The following DENND5A variants were observed in gnomAD, a reference collection of about 807,000 sequenced individuals.
DENND5A encodes the protein DENN domain containing 5A, also known as DENN domain-containing protein 5A.
A neutral mutation model predicts 140.3 loss-of-function variants in DENND5A; 64 were observed. The ratio of observed to expected loss-of-function variants is 0.46; its 90% CI spans 0.37 to 0.56. The LOEUF is 0.56. DENND5A is among the 20% of genes least tolerant of loss of function. DENND5A has a pLI of 0.00. For synonymous variants in DENND5A, 605 were observed against 607.7 expected (o/e 1.00, Z 0.07); for missense variants, 1,292 against 1,593.8 (o/e 0.81, Z 3.22).
rs148794119 is a variant in DENND5A at position 9,235,801 on chromosome 11, T to C, written c.110-28169A>G. On this transcript the variant is annotated intron_variant, in intron 1 of 22. Transcript: ENST00000328194. ...CCAGAGAGAGAAAGCAGACTACTAG[T>C]TGCCACAGGCTTGGGAGACAAGGAA... 1.1e-4 allele frequency among the ~76,000 whole-genome samples: 16 copies of C among 152,304 alleles called. No homozygotes were observed. The East Asian group carries it at 2.9e-3, about 28-fold the overall frequency.
At chr11:9,195,173 C>T (rs1046509358) in intron 4 of DENND5A, among the ~76,000 whole-genome samples, 2 of 149,594 alleles carry the variant, frequency 1.3e-5, no homozygotes, top group Non-Finnish European at 3.0e-5. Flanking sequence ...CTCCACCTCC[C>T]GGGTTTAAGC....
intron 22 of DENND5A, among the ~76,000 whole-genome samples, 177 bp from the exon 23 acceptor site, chr11:9,140,031 C>A (rs760835226): frequency 1.3e-5 from 2 of 152,058 alleles, no homozygotes; most frequent in Non-Finnish European, 2.9e-5. Flanking sequence ...AGCTCCAGGA[C>A]ACCAAACAAA....
chr11:9,177,142 T>C (rs1848569870), intron 8 of DENND5A, among the ~76,000 whole-genome samples: 2 of 151,000 alleles, frequency 1.3e-5, no homozygotes, highest in African/African-American at 4.9e-5. Context: ...CAGTCCTAGC[T>C]ACACGGGAGA....
chr11:9,259,276 AG>A (rs1852086414), intron 1 of DENND5A, among the ~76,000 whole-genome samples: 1 of 151,384 alleles, frequency 6.6e-6, no homozygotes, highest in African/African-American at 2.4e-5. Context: ...AATAAACAAC[AG>A]GCCAGGCGTG....
intron 17 of DENND5A, 147 bp downstream of exon 17, chr11:9,145,523 C>A: frequency 4.4e-6 from 4 of 911,236 alleles, no homozygotes; most frequent in Non-Finnish European, 6.8e-6. Context: ...TCTTTGGATC[C>A]AGCCTCAGAT....
At chr11:9,202,452 T>C (rs1396206644) in intron 4 of DENND5A, among the ~76,000 whole-genome samples, 2 of 152,122 alleles carry the variant, frequency 1.3e-5, no homozygotes, top group Admixed American at 1.3e-4. Flanking sequence ...CACACAGAGA[T>C]CATAATAAAG....
intron 5 of DENND5A, among the ~76,000 whole-genome samples, chr11:9,187,970 C>A (rs990772656): frequency 1.3e-5 from 2 of 152,162 alleles, no homozygotes; most frequent in African/African-American, 4.8e-5. Context: ...TTTTTATAAA[C>A]CAAGCTTGCC....
chr11:9,253,655 C>A (rs1352689682), intron 1 of DENND5A, among the ~76,000 whole-genome samples: 6 of 152,020 alleles, frequency 3.9e-5, no homozygotes, highest in South Asian at 4.1e-4. Context: ...ATAATCCCAG[C>A]ATTTTGGGAG....
At chr11:9,158,745 A>C (rs1564887107) in intron 12 of DENND5A, among the ~76,000 whole-genome samples, 1 of 152,180 alleles carries the variant, frequency 6.6e-6, no homozygotes, top group Non-Finnish European at 1.5e-5. Flanking sequence ...AAATTAGTTA[A>C]GGACATAGAA....
rs987102271 is a variant in DENND5A at position 9,180,817 on chromosome 11, T to C, written c.1405A>G (p.Ile469Val). Residue 469 changes from isoleucine (I) to valine (V), a missense_variant, in exon 6 of 23, where the codon ATT becomes GTT. This residue lies in a region of DENND5A where 566 missense variants were observed against 650.4 expected (regional missense o/e 0.87). Coordinates refer to ENST00000328194, the MANE Select transcript of DENND5A (RefSeq NM_015213.4). ...TTGACCAAGGCTTGCAGCCGGGCAATAGTTTCATTCTCCTTAAGAAGCTCG... is the reference window on the plus strand; with the variant it reads ...TTGACCAAGGCTTGCAGCCGGGCAACAGTTTCATTCTCCTTAAGAAGCTCG... ...SYELLKENET[I>V]ARLQALVKRT... is the part of the protein sequence containing the mutation. 25 of 1,614,056 alleles carry C rather than the reference T, an allele frequency of 1.5e-5. No homozygotes were observed. The highest frequency in any genetic ancestry group is 4.0e-5 in the African/African-American group (3 of 74,926).
chr11:9,248,239 T>G (rs752343217), intron 1 of DENND5A, among the ~76,000 whole-genome samples: 3 of 152,126 alleles, frequency 2.0e-5, no homozygotes, highest in Non-Finnish European at 4.4e-5. Context: ...TTCCTCAGTC[T>G]CCCAAAATGC....
At chr11:9,208,112 T>A (rs1361568684) in intron 1 of DENND5A, among the ~76,000 whole-genome samples, 1 of 152,310 alleles carries the variant, frequency 6.6e-6, no homozygotes, top group African/African-American at 2.4e-5. Context: ...TCAAGTGAAA[T>A]CTATACCTGT....
At chr11:9,219,451 G>A (rs1419779302) in intron 1 of DENND5A, among the ~76,000 whole-genome samples, 4 of 152,016 alleles carry the variant, frequency 2.6e-5, no homozygotes, top group Non-Finnish European at 5.9e-5. Context: ...TATATACTCA[G>A]CCAAATAATA....
At chr11:9,229,441 A>G (rs916712983) in intron 1 of DENND5A, among the ~76,000 whole-genome samples, 13 of 152,136 alleles carry the variant, frequency 8.5e-5, no homozygotes, top group Non-Finnish European at 1.9e-4. Context: ...CCTCAGAAGC[A>G]AAGTCTCTCC....
At chr11:9,149,958 G>A in intron 15 of DENND5A, 123 bp downstream of exon 15, 1 of 1,338,176 alleles carries the variant, frequency 7.5e-7, no homozygotes, top group South Asian at 1.6e-5. Context: ...ACCTTCATAA[G>A]CAAAGAGGTT....
At chr11:9,243,115 A>AAAAAAAAAAG (rs1564936263) in intron 1 of DENND5A, among the ~76,000 whole-genome samples, 1 of 149,852 alleles carries the variant, frequency 6.7e-6, no homozygotes, top group African/African-American at 2.4e-5. Flanking sequence ...CAAAAAAAAA[A>AAAAAAAAAAG]ACTGAGGCGA....
intron 1 of DENND5A, among the ~76,000 whole-genome samples, chr11:9,219,032 A>C (rs1172652604): frequency 6.6e-6 from 1 of 152,054 alleles, no homozygotes; most frequent in Non-Finnish European, 1.5e-5. Context: ...CAAATAAATG[A>C]AATAAATTTA....
At chr11:9,147,992 A>C (rs2136119669) in intron 15 of DENND5A, among the ~76,000 whole-genome samples, 1 of 152,348 alleles carries the variant, frequency 6.6e-6, no homozygotes, top group Non-Finnish European at 1.5e-5. Flanking sequence ...TTTACAAGGC[A>C]CTTTCAACAG....
chr11:9,216,776 G>A (rs1293398346), intron 1 of DENND5A, among the ~76,000 whole-genome samples: 1 of 152,224 alleles, frequency 6.6e-6, no homozygotes, highest in Non-Finnish European at 1.5e-5. Context: ...GGAGGCTGAG[G>A]TGGAGGGATT....
Sources: gnomAD v4.1 joint callset for allele counts (sites outside exome capture counted in the v4.1 genomes callset) on GRCh38, gnomAD v4.1.1 for gene constraint, gnomAD v4.1.1 regional missense constraint, MANE v1.5 for transcripts, NCBI Gene and HGNC (gene_info 2026-07-23, HGNC 2026-07-21) for gene names.